NFATC2IP: variants seen among roughly 807,000 people sequenced by gnomAD.
NFATC2IP encodes NFATC2-interacting protein.
In NFATC2IP, 25 loss-of-function variants were observed where a neutral mutation model predicts 40.2. The observed-to-expected ratio is 0.62, with a 90% CI of 0.45 to 0.87. The LOEUF is 0.87. NFATC2IP is among the 40% of genes least tolerant of loss of function. The pLI, the probability that NFATC2IP is intolerant of heterozygous loss-of-function variation, is 0.00. For missense variants in NFATC2IP, 553 were observed against 555.6 expected (o/e 1.00, Z 0.05); for synonymous variants, 241 against 236.3 (o/e 1.02, Z -0.18).
intron 7 of NFATC2IP, 123 bp from the exon 8 acceptor site, chr16:28,963,582 G>A (rs1282034876): frequency 3.8e-6 from 3 of 789,480 alleles, no homozygotes; most frequent in Non-Finnish European, 6.1e-6. Context: ...CCCCGCATGG[G>A]GCCCTGACTT....
rs1596728885 is a variant in NFATC2IP at position 28,956,484 on chromosome 16, C to T, written c.846+147C>T. On this transcript the variant is annotated intron_variant, in intron 5 of 7. Transcript: ENST00000320805. ...TGCCCATCATTCTTTTCAGTCTGTC[C>T]TGCCTTCACACTTTTTGTTTCCTCT... 5 of 622,702 alleles carry T rather than the reference C, an allele frequency of 8.0e-6. No individual in the cohort carries two copies. The East Asian group carries it at 1.4e-4, about 17-fold the overall frequency. The allele number at this position is 622,702 out of a possible 1,614,324, so 38.6% of individuals were successfully genotyped here.
At chr16:28,955,902 C>A in intron 3 of NFATC2IP, 76 bp from the exon 4 acceptor site, 1 of 1,187,234 alleles carries the variant, frequency 8.4e-7, no homozygotes, top group Non-Finnish European at 1.3e-6. Flanking sequence ...CTTGATTGTC[C>A]AAGGATCTGA....
In NFATC2IP at chr16:28,966,476, C is replaced by T. The variant is rs1034861306; in HGVS notation, c.*2613C>T. 1 of 141,148 alleles carries T rather than the reference C, an allele frequency of 7.1e-6. No homozygotes were observed. Among genetic ancestry groups the T allele is most frequent in the Non-Finnish European group, 1.5e-5 (1 of 66,644 alleles). 8.7% of individuals were successfully genotyped at this position (141,148 alleles called of 1,614,324 possible). On this transcript the variant is annotated 3_prime_UTR_variant, in exon 8 of 8. Transcript: ENST00000320805. ...AAAAAAAAAAAAAAATGAGAGAAATCGGCTGGGCATGGTTTCTCATGCCTG... is the reference window on the plus strand; with the variant it reads ...AAAAAAAAAAAAAAATGAGAGAAATTGGCTGGGCATGGTTTCTCATGCCTG...
chr16:28,954,943 C>T (rs1042507920), intron 3 of NFATC2IP, among the ~76,000 whole-genome samples: 1 of 152,096 alleles, frequency 6.6e-6, no homozygotes, highest in African/African-American at 2.4e-5. Context: ...TCCAATCCAG[C>T]TTCCCTGTCC....
At position 28,964,064 on chromosome 16, in the gene NFATC2IP, C is replaced by A; in HGVS notation, c.*201C>A. On this transcript the variant is annotated 3_prime_UTR_variant, in exon 8 of 8. Coordinates refer to ENST00000320805, the MANE Select transcript of NFATC2IP (RefSeq NM_032815.4). ...GGTGAGTTATGTGGGTGTTGTTGCCCTGGGTGGCCTGTGGCTCCGTCCACA... is the reference window on the plus strand; with the variant it reads ...GGTGAGTTATGTGGGTGTTGTTGCCATGGGTGGCCTGTGGCTCCGTCCACA... 1 of 572,392 alleles carries A rather than the reference C, an allele frequency of 1.7e-6. No homozygotes were observed. Among genetic ancestry groups the A allele is most frequent in the Non-Finnish European group, 3.1e-6 (1 of 322,246 alleles). 35.5% of individuals were successfully genotyped at this position (572,392 alleles called of 1,614,324 possible).
At chr16:28,955,500 G>A (rs1008248522) in intron 3 of NFATC2IP, among the ~76,000 whole-genome samples, 1 of 152,190 alleles carries the variant, frequency 6.6e-6, no homozygotes, top group Non-Finnish European at 1.5e-5. Flanking sequence ...TTCAGGTCAT[G>A]TAAATATAAA....
intron 7 of NFATC2IP, among the ~76,000 whole-genome samples, chr16:28,962,124 T>G (rs1965095594): frequency 6.6e-6 from 1 of 152,106 alleles, no homozygotes; most frequent in South Asian, 2.1e-4. Context: ...CAGGCTGGAC[T>G]CAAACTCCTG....
In NFATC2IP at chr16:28,951,092, T is replaced by A; in HGVS notation, c.81T>A (p.Gly27=). 1 of 1,536,922 alleles carries A rather than the reference T, an allele frequency of 6.5e-7. No individual in the cohort carries two copies. The highest frequency in any genetic ancestry group is 8.8e-7 in the Non-Finnish European group (1 of 1,140,180). ...GAGGGGGTCGGGGCGGCTGGGGCGG[T>A]CGGGGCCGGCGTCCTCGGGCCCAGC... ...AGRGGRGGWG[G]RGRRPRAQRS... Residue 27 remains glycine (G), a synonymous_variant, in exon 1 of 8, where the codon GGT becomes GGA. Transcript: ENST00000320805.
rs1965054326 is a variant in NFATC2IP, at chr16:28,959,007, A to G, written c.1008A>G (p.Thr336=). ...CTCCCACAGACTGTGTGGTACTAAC[A>G]AGTTCTCCAGAGGCCACAGAGACGT... is the stretch of plus-strand genomic sequence containing the variant. The part of the protein sequence containing the change: ...VADIIDCVVL[T]SSPEATETSQ... Residue 336 remains threonine (T), a synonymous_variant, in exon 7 of 8, where the codon ACA becomes ACG. Transcript: ENST00000320805. 2.5e-6 allele frequency: 4 copies of G among 1,613,802 alleles called. No homozygotes were observed. The highest frequency in any genetic ancestry group is 3.4e-6 in the Non-Finnish European group (4 of 1,179,790).
intron 7 of NFATC2IP, among the ~76,000 whole-genome samples, chr16:28,963,396 A>G (rs1272734040): frequency 1.3e-5 from 2 of 152,120 alleles, no homozygotes; most frequent in Admixed American, 6.5e-5. Context: ...TCTGTTTCAT[A>G]GGGAAGGAGG....
chr16:28,955,382 G>A (rs764067741), intron 3 of NFATC2IP, among the ~76,000 whole-genome samples: 7 of 152,170 alleles, frequency 4.6e-5, no homozygotes, highest in Non-Finnish European at 1.0e-4. Flanking sequence ...TTCAAGACCA[G>A]CCTGGGCAAC....
intron 6 of NFATC2IP, 29 bp from the exon 7 acceptor site, chr16:28,958,962 C>G: frequency 6.2e-7 from 1 of 1,605,896 alleles, no homozygotes; most frequent in Non-Finnish European, 8.5e-7. Flanking sequence ...CCCCACTTAG[C>G]CCTGGCTTCC....
At position 28,954,696 on chromosome 16, in the gene NFATC2IP, G is replaced by A; in HGVS notation, c.578+14G>A. On this transcript the variant is annotated intron_variant, in intron 3 of 7. Coordinates refer to ENST00000320805, the MANE Select transcript of NFATC2IP (RefSeq NM_032815.4). ...GACAGAGTTTCTGTGAGTGAGGCCA[G>A]GGCCCTTGGGCCCTGGGAGCAGGAA... 6.5e-7 allele frequency: 1 copy of A among 1,541,498 alleles called. No individual in the cohort carries two copies. The highest frequency in any genetic ancestry group is 8.9e-7 in the Non-Finnish European group (1 of 1,118,080).
In NFATC2IP at chr16:28,958,732, A is replaced by C; in HGVS notation, c.862A>C (p.Ser288Arg). ...CCATCCCTAGTCGGAGCCCCTGCAG[A>C]GTGTGGTGGACCACATGGCCACCCA... Reference protein sequence around the residue: ...LPLRMSEPLQSVVDHMATHLG... With the variant: ...LPLRMSEPLQRVVDHMATHLG... The change falls in exon 6 of 8, where the codon AGT (serine) becomes CGT (arginine). Residue 288 changes from serine to arginine, a missense_variant. Coordinates refer to ENST00000320805, the MANE Select transcript of NFATC2IP (RefSeq NM_032815.4). The C allele has an allele frequency of 1.9e-6, 3 of 1,612,804 alleles. No homozygotes were observed. The highest frequency in any genetic ancestry group is 2.5e-6 in the Non-Finnish European group (3 of 1,179,476).
At position 28,951,184 on chromosome 16, in the gene NFATC2IP, T is replaced by C. The variant is rs1020176693; in HGVS notation, c.173T>C (p.Ile58Thr). Residue 58 changes from isoleucine (I) to threonine (T), a missense_variant, in exon 1 of 8, where the codon ATT becomes ACT. By Grantham distance (89) the Ile-to-Thr change is moderately conservative. Transcript: ENST00000320805. ...TTGGTCACCGACAGCGATGAGGAAATTCTGGAGGTCGCCACCGCTCGCGGT... is the reference window on the plus strand; with the variant it reads ...TTGGTCACCGACAGCGATGAGGAAACTCTGGAGGTCGCCACCGCTCGCGGT... ...VDLVTDSDEE[I>T]LEVATARGAA... 38 of 1,540,508 alleles carry C rather than the reference T, an allele frequency of 2.5e-5. No individual in the cohort carries two copies. The Admixed American group carries it at 7.1e-4, about 29-fold the overall frequency.
At chr16:28,959,973 T>C (rs1268167030) in intron 7 of NFATC2IP, among the ~76,000 whole-genome samples, 1 of 152,210 alleles carries the variant, frequency 6.6e-6, no homozygotes, top group Non-Finnish European at 1.5e-5. Context: ...GAAGTCTGAA[T>C]TGAAGGTGTT....
chr16:28,951,498 G>C, intron 1 of NFATC2IP, 100 bp downstream of exon 1: 1 of 1,189,246 alleles, frequency 8.4e-7, no homozygotes, highest in South Asian at 2.7e-5. Context: ...GGGGTGTTGA[G>C]GCTGGCGTTC....
chr16:28,951,140 G>C lies in NFATC2IP; in HGVS notation c.129G>C (p.Leu43=). 1.3e-6 allele frequency: 2 copies of C among 1,547,184 alleles called. No homozygotes were observed. Among genetic ancestry groups the C allele is most frequent in the Non-Finnish European group, 1.7e-6 (2 of 1,145,144 alleles). ...AGCGGTCTCCATCCCGGGGCACGCT[G>C]GACGTAGTGTCTGTGGACTTGGTCA... is the stretch of plus-strand genomic sequence containing the variant. ...RAQRSPSRGT[L]DVVSVDLVTD... Residue 43 remains leucine (L), a synonymous_variant, in exon 1 of 8, where the codon CTG becomes CTC. Coordinates refer to ENST00000320805, the MANE Select transcript of NFATC2IP (RefSeq NM_032815.4).
At chr16:28,952,974 G>C (rs1964983716) in intron 2 of NFATC2IP, among the ~76,000 whole-genome samples, 1 of 152,032 alleles carries the variant, frequency 6.6e-6, no homozygotes, top group African/African-American at 2.4e-5. Context: ...GACCTCAGGT[G>C]ATCCGCCCAT....
Sources: gnomAD v4.1 joint callset for allele counts (sites outside exome capture counted in the v4.1 genomes callset) on GRCh38, gnomAD v4.1.1 for gene constraint, MANE v1.5 for transcripts, NCBI Gene and HGNC (gene_info 2026-07-23, HGNC 2026-07-21) for gene names.